SFXN5: variants seen among roughly 807,000 people sequenced by gnomAD.
SFXN5 encodes sideroflexin-5.
SFXN5 carries 43 observed loss-of-function variants against 50.2 expected under a neutral mutation model. That is an observed-to-expected ratio of 0.86 (90% CI 0.67 to 1.11). SFXN5 has a LOEUF of 1.11. SFXN5 is among the 50% of genes least tolerant of loss of function. The pLI is 0.00. For missense variants in SFXN5, 463 were observed against 454.1 expected, an observed-to-expected ratio of 1.02 and a Z score of -0.18; for synonymous variants, 203 against 185.8, an observed-to-expected ratio of 1.09 and a Z score of -0.75.
rs1324108175 is a variant in SFXN5 at position 72,973,440 on chromosome 2, G to A, written c.626-1755C>T. 3 of 169,212 alleles carry A rather than the reference G, an allele frequency of 1.8e-5. No individual in the cohort carries two copies. The highest frequency in any genetic ancestry group is 1.3e-4 in the Admixed American group (2 of 15,298). 10.5% of individuals were successfully genotyped at this position (169,212 alleles called of 1,614,324 possible). A position where few individuals can be genotyped will look rare whatever the true frequency, so the allele number is the denominator to read the frequency against. On this transcript the variant is annotated intron_variant, in intron 10 of 13. Coordinates refer to ENST00000272433, the MANE Select transcript of SFXN5 (RefSeq NM_144579.3). The surrounding 1 kb of genome is among the most constrained non-coding windows in gnomAD (Gnocchi z 5.5). ...TTGCTGCAGGCATCTGGTGGATAGA[G>A]GCCAGAGGTGCTGCTAAACATCTCG...
At chr2:73,063,106 G>A (rs1460569836) in intron 1 of SFXN5, among the ~76,000 whole-genome samples, 1 of 152,162 alleles carries the variant, frequency 6.6e-6, no homozygotes, top group African/African-American at 2.4e-5. Context: ...AATAGGGACA[G>A]GAAGAAGCAT....
chr2:73,045,420 G>GT (rs1257273332), intron 2 of SFXN5, among the ~76,000 whole-genome samples: 1 of 151,978 alleles, frequency 6.6e-6, no homozygotes, highest in African/African-American at 2.4e-5. Context: ...TGAGTCCAGC[G>GT]TAACACAGAA....
At chr2:72,995,095 T>C (rs987475303) in intron 9 of SFXN5, 1 of 152,344 alleles carries the variant, frequency 6.6e-6, no homozygotes, top group Non-Finnish European at 1.5e-5. Context: ...TTGAAAGATA[T>C]ACCAGTCCCT....
chr2:73,050,388 G>GCGTGCGCACACACACA, intron 2 of SFXN5, among the ~76,000 whole-genome samples: 1 of 143,808 alleles, frequency 7.0e-6, no homozygotes, highest in African/African-American at 2.8e-5. Context: ...CAGCCACAGC[G>GCGTGCGCACACACACA]CACGCACACA....
chr2:72,960,706 G>C lies in SFXN5; in HGVS notation c.945+425C>G, dbSNP rs1465345480. Among the ~76,000 whole-genome samples the C allele has an allele frequency of 1.3e-5, 2 of 152,176 alleles. No homozygotes were observed. Among genetic ancestry groups the C allele is most frequent in the Non-Finnish European group, 2.9e-5 (2 of 68,028 alleles). On this transcript the variant is annotated intron_variant, in intron 13 of 13. Transcript: ENST00000272433. The surrounding 1 kb of genome is among the most constrained non-coding windows in gnomAD (Gnocchi z 6.1). ...TGCTGCACTCCCTGGTTGCGCTGCA[G>C]ACTTTGGTCAGCTCTTGGACATGGC...
intron 6 of SFXN5, among the ~76,000 whole-genome samples, chr2:73,016,240 CA>C (rs1405828366): frequency 1.3e-5 from 2 of 152,232 alleles, no homozygotes; most frequent in Admixed American, 6.5e-5. Context: ...AACAATATCA[CA>C]AGATTACCAT....
At chr2:73,059,652 C>T in intron 1 of SFXN5, 2 of 890,360 alleles carry the variant, frequency 2.2e-6, no homozygotes, top group Non-Finnish European at 2.7e-6. Flanking sequence ...CCTCTAACCC[C>T]TAATGCCACC....
intron 6 of SFXN5, among the ~76,000 whole-genome samples, chr2:73,018,037 C>G (rs1359975526): frequency 6.6e-6 from 1 of 151,942 alleles, no homozygotes; most frequent in Non-Finnish European, 1.5e-5. Context: ...GACTCTATCT[C>G]TATAAAAAAA....
At chr2:72,988,487 C>T (rs1672181374) in intron 9 of SFXN5, 139 bp from the exon 10 acceptor site, 7 of 737,640 alleles carry the variant, frequency 9.5e-6, no homozygotes, top group Non-Finnish European at 1.5e-5. Flanking sequence ...ACCCCTAATC[C>T]TCAGCGTCAC....
chr2:73,047,261 TATATATATATATATAC>T (rs1207195531), intron 2 of SFXN5, among the ~76,000 whole-genome samples: 8 of 75,406 alleles, frequency 1.1e-4, no homozygotes, highest in African/African-American at 4.3e-4. Flanking sequence ...TATATATATA[TATATATATATATATAC>T]ACACATATAT....
Position 72,953,009 on chromosome 2 carries a change from AAAG to A in SFXN5, c.946-7913_946-7911del, listed in dbSNP as rs1672700321. 6.6e-6 allele frequency among the ~76,000 whole-genome samples: 1 copy of A among 152,180 alleles called. No individual in the cohort carries two copies. The highest frequency in any genetic ancestry group is 1.5e-5 in the Non-Finnish European group (1 of 68,028). On this transcript the variant is annotated intron_variant, in intron 13 of 13. Coordinates refer to ENST00000272433, the MANE Select transcript of SFXN5 (RefSeq NM_144579.3). The surrounding 1 kb of genome is among the most constrained non-coding windows in gnomAD (Gnocchi z 4.1). ...TAGGTGTCCTGGAAGGTCCTGGAAA[AAAG>A]AACTGTGGGGGAAAGGCTGTCAGGC...
intron 9 of SFXN5, chr2:72,997,295 G>T (rs1010745835): frequency 6.6e-6 from 1 of 152,160 alleles, no homozygotes; most frequent in Admixed American, 6.5e-5. Context: ...AAATTGTGGC[G>T]TATGGTACAA....
intron 3 of SFXN5, among the ~76,000 whole-genome samples, chr2:73,028,962 G>A (rs1677951762): frequency 6.6e-6 from 1 of 152,230 alleles, no homozygotes; most frequent in Admixed American, 6.5e-5. Flanking sequence ...TTCTCCATCA[G>A]TAACATGAGT....
chr2:73,062,287 G>A (rs1682866694), intron 1 of SFXN5, among the ~76,000 whole-genome samples: 2 of 152,154 alleles, frequency 1.3e-5, no homozygotes, highest in Non-Finnish European at 2.9e-5. Flanking sequence ...TGAGTGGGCT[G>A]ATGAGCAGCC....
chr2:73,060,347 T>C (rs1257071543), intron 1 of SFXN5, among the ~76,000 whole-genome samples: 2 of 152,050 alleles, frequency 1.3e-5, no homozygotes, highest in East Asian at 3.9e-4. Context: ...ACAGCATCAC[T>C]CACATAATAT....
At chr2:72,955,783 TG>T (rs1463641141) in intron 13 of SFXN5, among the ~76,000 whole-genome samples, 2 of 152,076 alleles carry the variant, frequency 1.3e-5, no homozygotes, top group African/African-American at 4.8e-5. Context: ...TGTGTTGCAG[TG>T]GGGAGGACAC....
intron 3 of SFXN5, among the ~76,000 whole-genome samples, chr2:73,033,685 G>A (rs946456976): frequency 2.0e-5 from 3 of 152,208 alleles, no homozygotes; most frequent in Non-Finnish European, 4.4e-5. Context: ...ATAGGGGAGA[G>A]CAGTAGGAGA....
At chr2:73,002,219 T>A (rs902161420) in intron 6 of SFXN5, among the ~76,000 whole-genome samples, 2 of 152,234 alleles carry the variant, frequency 1.3e-5, no homozygotes, top group African/African-American at 4.8e-5. Flanking sequence ...ATTTGTTGAA[T>A]GAGTGAAGAA....
At chr2:73,007,255 T>G (rs867929766) in intron 6 of SFXN5, among the ~76,000 whole-genome samples, 2 of 152,296 alleles carry the variant, frequency 1.3e-5, no homozygotes, top group Middle Eastern at 6.8e-3. Flanking sequence ...AAGGTTTTTT[T>G]AAAAGCGTGG....
Sources: allele counts gnomAD v4.1 joint callset (sites outside exome capture counted in the v4.1 genomes callset), GRCh38; gene constraint gnomAD v4.1.1; non-coding constraint Gnocchi (gnomAD v3.1); transcripts MANE v1.5; gene names NCBI Gene and HGNC (gene_info 2026-07-23, HGNC 2026-07-21).